Variants in ACER3 observed in about 807,000 individuals in gnomAD.
ACER3 encodes the protein alkCDase 3.
A neutral mutation model predicts 48.9 loss-of-function variants in ACER3; 16 were observed. That is an observed-to-expected ratio of 0.33 (90% CI 0.22 to 0.50). The LOEUF (loss-of-function observed/expected upper bound fraction) is 0.50. Among genes scored for constraint, ACER3 ranks in the 20% least tolerant of loss-of-function variants. ACER3 has a pLI of 0.98. For synonymous variants in ACER3, 109 were observed against 107.8 expected (o/e 1.01, Z -0.07); for missense variants, 227 against 326.0 (o/e 0.70, Z 2.34).
chr11:77,000,558 G>A (rs1233078087), intron 7 of ACER3, among the ~76,000 whole-genome samples: 2 of 152,098 alleles, frequency 1.3e-5, no homozygotes, highest in Non-Finnish European at 2.9e-5. Flanking sequence ...TTACATTTAA[G>A]TCTGTGGTTT....
At chr11:76,993,004 G>C (rs1565217779) in intron 6 of ACER3, among the ~76,000 whole-genome samples, 1 of 152,038 alleles carries the variant, frequency 6.6e-6, no homozygotes. Context: ...AAGTAGCTGG[G>C]ATTACAGGCA....
At chr11:76,866,834 T>C (rs1316249011) in intron 1 of ACER3, among the ~76,000 whole-genome samples, 2 of 152,180 alleles carry the variant, frequency 1.3e-5, no homozygotes, top group African/African-American at 2.4e-5. Flanking sequence ...TACCAAGACA[T>C]ACTATCTATA....
intron 1 of ACER3, among the ~76,000 whole-genome samples, chr11:76,884,374 A>G (rs1043539658): frequency 1.3e-5 from 2 of 152,168 alleles, no homozygotes; most frequent in African/African-American, 4.8e-5. Flanking sequence ...GAATTTTTTC[A>G]TAGCATTTGC....
At chr11:76,914,965 C>T (rs1046025923) in intron 1 of ACER3, among the ~76,000 whole-genome samples, 1 of 152,138 alleles carries the variant, frequency 6.6e-6, no homozygotes, top group African/African-American at 2.4e-5. Flanking sequence ...CCAAACACTG[C>T]ATGTTCTCAC....
intron 1 of ACER3, among the ~76,000 whole-genome samples, chr11:76,893,770 A>G (rs1945865778): frequency 6.6e-6 from 1 of 152,278 alleles, no homozygotes; most frequent in South Asian, 2.1e-4. Context: ...GGCTTTCTTA[A>G]GAATTTGTAA....
At chr11:76,933,504 C>T (rs1310734476) in intron 2 of ACER3, among the ~76,000 whole-genome samples, 1 of 151,346 alleles carries the variant, frequency 6.6e-6, no homozygotes, top group Non-Finnish European at 1.5e-5. Context: ...ATGCTGCCTT[C>T]AAGCATCTGT....
intron 1 of ACER3, among the ~76,000 whole-genome samples, chr11:76,903,579 A>G (rs1946140483): frequency 2.0e-5 from 3 of 151,634 alleles, no homozygotes. Context: ...AACTCCTCCC[A>G]TTGGAGTTTA....
chr11:76,961,460 A>C (rs1474490912), intron 3 of ACER3, among the ~76,000 whole-genome samples: 2 of 152,048 alleles, frequency 1.3e-5, no homozygotes, highest in Non-Finnish European at 2.9e-5. Context: ...GGGAACTTCA[A>C]AGCCAAAGAA....
rs1380902181 is a variant in ACER3 at position 77,026,588 on chromosome 11, A to T, written c.*6261A>T. The T allele has an allele frequency of 6.6e-6, 1 of 152,234 alleles. No individual in the cohort carries two copies. Among genetic ancestry groups the T allele is most frequent in the Non-Finnish European group, 1.5e-5 (1 of 68,038 alleles). 9.4% of individuals were successfully genotyped at this position (152,234 alleles called of 1,614,324 possible). A position where few individuals can be genotyped will look rare whatever the true frequency, so the allele number is the denominator to read the frequency against. On this transcript the variant is annotated 3_prime_UTR_variant, in exon 11 of 11. Transcript: ENST00000532485. ...CGATTATTTAATAAACATACATTGT[A>T]CTGAATCTTACTAGCAACTAACTAT...
chr11:76,897,731 C>T (rs1352834228), intron 1 of ACER3, among the ~76,000 whole-genome samples: 1 of 151,956 alleles, frequency 6.6e-6, no homozygotes, highest in African/African-American at 2.4e-5. Context: ...GGACAAGGCT[C>T]AATTTGCTCA....
At chr11:77,001,888 T>G (rs1438042907) in intron 7 of ACER3, among the ~76,000 whole-genome samples, 6 of 152,188 alleles carry the variant, frequency 3.9e-5, no homozygotes, top group African/African-American at 1.4e-4. Context: ...CAAACTTATT[T>G]TCTCACAGTT....
At chr11:76,966,745 T>G (rs2135096012) in intron 3 of ACER3, among the ~76,000 whole-genome samples, 1 of 150,386 alleles carries the variant, frequency 6.6e-6, no homozygotes, top group Non-Finnish European at 1.5e-5. Context: ...AATAAAGATG[T>G]TCTTTGAAAC....
chr11:76,962,758 G>T (rs1379149877), intron 3 of ACER3, among the ~76,000 whole-genome samples: 1 of 151,442 alleles, frequency 6.6e-6, no homozygotes, highest in Non-Finnish European at 1.5e-5. Context: ...ACTTGAGAGA[G>T]TGTCATGCAG....
intron 1 of ACER3, among the ~76,000 whole-genome samples, chr11:76,869,639 C>T (rs1475932029): frequency 6.7e-6 from 1 of 150,022 alleles, no homozygotes; most frequent in Non-Finnish European, 1.5e-5. Context: ...AAACAACTCC[C>T]CGTTTTCTCC....
At chr11:77,017,158 TAAAC>T (rs1302657507) in intron 9 of ACER3, among the ~76,000 whole-genome samples, 3 of 151,648 alleles carry the variant, frequency 2.0e-5, no homozygotes, top group Non-Finnish European at 4.4e-5. Context: ...GGAGCAGAAA[TAAAC>T]AAAATAGAAA....
chr11:76,980,520 A>T (rs76725333), intron 4 of ACER3, among the ~76,000 whole-genome samples: 13 of 152,064 alleles, frequency 8.5e-5, no homozygotes, highest in Non-Finnish European at 1.5e-4. Context: ...CTACAAAAAA[A>T]TTAAAAAATT....
rs1450570821 is a variant in ACER3 at position 77,023,999 on chromosome 11, G to C, written c.*3672G>C. 4.8e-5 allele frequency: 7 copies of C among 146,914 alleles called. No homozygotes were observed. The highest frequency in any genetic ancestry group is 4.2e-4 in the Admixed American group (6 of 14,456). 9.1% of individuals were successfully genotyped at this position (146,914 alleles called of 1,614,324 possible). A position where few individuals can be genotyped will look rare whatever the true frequency, so the allele number is the denominator to read the frequency against. On this transcript the variant is annotated 3_prime_UTR_variant, in exon 11 of 11. Coordinates refer to ENST00000532485, the MANE Select transcript of ACER3 (RefSeq NM_018367.7). ...TGAGGCAGGAGAATGGCGTGAACCT[G>C]GGAGGCAGAGCTTGCAGTGAGCCAA... is the stretch of plus-strand genomic sequence containing the variant.
chr11:76,922,064 C>T (rs1192271807), intron 1 of ACER3, among the ~76,000 whole-genome samples: 1 of 152,102 alleles, frequency 6.6e-6, no homozygotes, highest in Non-Finnish European at 1.5e-5. Context: ...TCCATTTTTA[C>T]CTCTGAATAC....
intron 2 of ACER3, among the ~76,000 whole-genome samples, chr11:76,957,248 C>G (rs1006395364): frequency 6.6e-6 from 1 of 152,020 alleles, no homozygotes; most frequent in Non-Finnish European, 1.5e-5. Context: ...ATAGGATGCA[C>G]TCAGTAAATT....
Sources: gnomAD v4.1 joint callset for allele counts (sites outside exome capture counted in the v4.1 genomes callset) on GRCh38, gnomAD v4.1.1 for gene constraint, MANE v1.5 for transcripts, NCBI Gene and HGNC (gene_info 2026-07-23, HGNC 2026-07-21) for gene names.